Variants in MSH4 observed in about 807,000 individuals in gnomAD.
MSH4 encodes the protein mutS protein homolog 4.
Under a neutral mutation model 113.7 loss-of-function variants are expected in MSH4, and 106 were observed. The ratio of observed to expected loss-of-function variants is 0.93; its 90% CI spans 0.80 to 1.10. The LOEUF (loss-of-function observed/expected upper bound fraction) is 1.10. MSH4 is among the 50% of genes least tolerant of loss of function. The probability of loss-of-function intolerance (pLI) is 0.00; values close to 1 mark genes in which losing one functional copy is unlikely to be tolerated. For missense variants in MSH4, 1,061 were observed against 1,093.7 expected (o/e 0.97, Z 0.42); for synonymous variants, 368 against 380.2 (o/e 0.97, Z 0.37).
chr1:75,807,957 G>A (rs1650104085), intron 3 of MSH4, among the ~76,000 whole-genome samples: 1 of 152,084 alleles, frequency 6.6e-6, no homozygotes, highest in South Asian at 2.1e-4. Flanking sequence ...CTGCTGCCTT[G>A]GACATCAGAA....
At chr1:75,813,782 G>A (rs1207190909) in intron 4 of MSH4, among the ~76,000 whole-genome samples, 1 of 151,952 alleles carries the variant, frequency 6.6e-6, no homozygotes, top group African/African-American at 2.4e-5. Context: ...AGGCCAGGGT[G>A]GGAGGATCAC....
At chr1:75,824,989 A>G (rs1156547560) in intron 7 of MSH4, among the ~76,000 whole-genome samples, 1 of 108,608 alleles carries the variant, frequency 9.2e-6, no homozygotes, top group Admixed American at 1.1e-4. Context: ...TTTTTTTTCT[A>G]GTTCTGTGAA....
chr1:75,885,059 G>GTGTGTATATATATATATATATATA (rs1300289205), intron 15 of MSH4, among the ~76,000 whole-genome samples: 18 of 112,532 alleles, frequency 1.6e-4, no homozygotes, highest in African/African-American at 6.5e-4. Context: ...GTGTGTGTGT[G>GTGTGTATATATATATATATATATA]TATATATATA....
chr1:75,901,562 A>G (rs1652506535), intron 19 of MSH4, among the ~76,000 whole-genome samples: 1 of 152,150 alleles, frequency 6.6e-6, no homozygotes, highest in Non-Finnish European at 1.5e-5. Flanking sequence ...TCATCTGTTA[A>G]TGGACACTTA....
intron 18 of MSH4, among the ~76,000 whole-genome samples, chr1:75,899,231 A>G (rs1211211479): frequency 6.6e-6 from 1 of 152,184 alleles, no homozygotes; most frequent in Non-Finnish European, 1.5e-5. Flanking sequence ...GTTTAGCTGT[A>G]GTGTTATCCC....
chr1:75,878,941 A>T (rs1409905821), intron 11 of MSH4, 51 bp from the exon 12 acceptor site: 1 of 1,509,302 alleles, frequency 6.6e-7, no homozygotes, highest in Non-Finnish European at 9.1e-7. Flanking sequence ...TTTTCTCATT[A>T]AAATTTATTC....
At chr1:75,910,896 TTC>T (rs1229023869) in intron 19 of MSH4, among the ~76,000 whole-genome samples, 2 of 151,744 alleles carry the variant, frequency 1.3e-5, no homozygotes, top group Non-Finnish European at 1.5e-5. Flanking sequence ...ATGCAGTAAG[TTC>T]TCTCTCTCTC....
chr1:75,839,224 C>CT (rs535350951), intron 7 of MSH4, among the ~76,000 whole-genome samples: 261 of 151,306 alleles, frequency 1.7e-3, no homozygotes, highest in African/African-American at 5.3e-3. Flanking sequence ...TTTTTCTTTT[C>CT]TTTTTTTTGA....
intron 1 of MSH4, 149 bp downstream of exon 1, chr1:75,797,378 G>C: frequency 8.8e-7 from 1 of 1,138,226 alleles, no homozygotes; most frequent in Non-Finnish European, 1.2e-6. Context: ...TGGTGAGTCT[G>C]GGTGATTAGA....
At chr1:75,840,036 T>C (rs1462776516) in intron 7 of MSH4, among the ~76,000 whole-genome samples, 1 of 151,292 alleles carries the variant, frequency 6.6e-6, no homozygotes, top group Non-Finnish European at 1.5e-5. Flanking sequence ...CTGGAGAGGA[T>C]GTGGAGAAAC....
chr1:75,883,753 G>C lies in MSH4; in HGVS notation c.2039G>C (p.Gly680Ala), dbSNP rs1351693336. The change falls in exon 15 of 20, where the codon GGA becomes GCA. Residue 680 changes from glycine to alanine, a missense_variant. Physicochemically the swap from Gly to Ala is moderately conservative, Grantham distance 60. Coordinates refer to ENST00000263187, the MANE Select transcript of MSH4 (RefSeq NM_002440.4). ...GGGAGTAATTTTTTGATCATAACTG[G>C]ACCAAACATGAGTGGAAAATCCACA... is the stretch of plus-strand genomic sequence containing the variant. ...TEGSNFLIIT[G>A]PNMSGKSTYL... The C allele has an allele frequency of 6.2e-7, 1 of 1,613,196 alleles. No individual in the cohort carries two copies. Among genetic ancestry groups the C allele is most frequent in the South Asian group, 1.1e-5 (1 of 90,994 alleles).
At position 75,815,092 on chromosome 1, in the gene MSH4, A is replaced by G. The variant is rs1441700711; in HGVS notation, c.771A>G (p.Leu257=). ...AAGGATTAGAGTACATTGAACAGTT[A>G]TGCATAGCAGAATTCAGCACTGTCC... The part of the protein sequence containing the change: ...ETKGLEYIEQ[L]CIAEFSTVLM... Residue 257 remains leucine, a synonymous_variant, in exon 5 of 20, where the codon TTA becomes TTG. Coordinates refer to ENST00000263187, the MANE Select transcript of MSH4 (RefSeq NM_002440.4). 1.2e-6 allele frequency: 2 copies of G among 1,606,220 alleles called. No homozygotes were observed. Among genetic ancestry groups the G allele is most frequent in the Non-Finnish European group, 1.7e-6 (2 of 1,176,486 alleles).
intron 9 of MSH4, among the ~76,000 whole-genome samples, chr1:75,875,040 G>A (rs1013015384): frequency 3.9e-5 from 6 of 152,082 alleles, no homozygotes; most frequent in African/African-American, 7.2e-5. Flanking sequence ...CCACAGGCAC[G>A]CACCACCATG....
intron 4 of MSH4, among the ~76,000 whole-genome samples, chr1:75,812,879 A>T (rs1481647113): frequency 6.6e-6 from 1 of 152,134 alleles, no homozygotes; most frequent in Non-Finnish European, 1.5e-5. Flanking sequence ...AGGTCATCCT[A>T]GGGATGTGGC....
intron 5 of MSH4, among the ~76,000 whole-genome samples, chr1:75,815,793 G>A (rs1227348854): frequency 1.3e-5 from 2 of 151,974 alleles, no homozygotes; most frequent in Non-Finnish European, 2.9e-5. Context: ...CACTTCGGGA[G>A]GCCAAGGAGT....
intron 7 of MSH4, among the ~76,000 whole-genome samples, chr1:75,844,413 A>G (rs980430846): frequency 2.6e-5 from 4 of 152,082 alleles, no homozygotes; most frequent in Admixed American, 2.0e-4. Context: ...TGCAACTTCT[A>G]TCTCCCTGGC....
intron 19 of MSH4, among the ~76,000 whole-genome samples, chr1:75,907,768 T>TC (rs1470373655): frequency 1.6e-4 from 24 of 146,550 alleles, no homozygotes; most frequent in Admixed American, 4.8e-4. Context: ...TGTTTTTTTT[T>TC]CCCTCTGACT....
At chr1:75,902,730 T>C (rs1199894028) in intron 19 of MSH4, among the ~76,000 whole-genome samples, 91 of 113,736 alleles carry the variant, frequency 8.0e-4, no homozygotes, top group African/African-American at 2.8e-3. Flanking sequence ...TATATATATA[T>C]ATATAGTTCT....
intron 15 of MSH4, among the ~76,000 whole-genome samples, chr1:75,886,536 T>TG: frequency 1.8e-5 from 1 of 56,282 alleles, no homozygotes; most frequent in Non-Finnish European, 4.1e-5. Context: ...ATTATATATA[T>TG]TATTATCTAT....
Sources: gnomAD v4.1 joint callset for allele counts (sites outside exome capture counted in the v4.1 genomes callset) on GRCh38, gnomAD v4.1.1 for gene constraint, MANE v1.5 for transcripts, NCBI Gene and HGNC (gene_info 2026-07-23, HGNC 2026-07-21) for gene names.